The following PPP2R2C variants were observed in gnomAD, a reference collection of about 807,000 sequenced individuals.
The protein encoded by PPP2R2C is protein phosphatase 2, regulatory subunit B, gamma.
Under a neutral mutation model 45.3 loss-of-function variants are expected in PPP2R2C, and 10 were observed. The ratio of observed to expected loss-of-function variants is 0.22; its 90% CI spans 0.14 to 0.37. PPP2R2C has a LOEUF of 0.37. PPP2R2C is among the 10% of genes least tolerant of loss of function. PPP2R2C has a pLI of 1.00. For missense variants in PPP2R2C, 308 were observed against 619.7 expected, an observed-to-expected ratio of 0.50 and a Z score of 5.34; for synonymous variants, 257 against 245.4, an observed-to-expected ratio of 1.05 and a Z score of -0.44.
intron 6 of PPP2R2C, among the ~76,000 whole-genome samples, chr4:6,346,244 G>T (rs747155894): frequency 6.6e-6 from 1 of 152,098 alleles, no homozygotes; most frequent in East Asian, 1.9e-4. Context: ...TCCCAATCTC[G>T]TGACAACCCA....
In PPP2R2C at chr4:6,321,500, A is replaced by C. The variant is rs1731550083; in HGVS notation, c.*1802T>G. 1 of 152,530 alleles carries C rather than the reference A, an allele frequency of 6.6e-6. No individual in the cohort carries two copies. The highest frequency in any genetic ancestry group is 2.1e-4 in the South Asian group (1 of 4,832). The allele number at this position is 152,530 out of a possible 1,614,324, so 9.4% of individuals were successfully genotyped here. On this transcript the variant is annotated 3_prime_UTR_variant, in exon 9 of 9. Transcript: ENST00000382599. ...CTTCATTCACGTTGATTAAAAAAAAATCAATGATCCATTTCCCTGTGTAAA... is the reference window on the plus strand; with the variant it reads ...CTTCATTCACGTTGATTAAAAAAAACTCAATGATCCATTTCCCTGTGTAAA...
chr4:6,349,321 C>T (rs1712314576), intron 5 of PPP2R2C: 1 of 983,456 alleles, frequency 1.0e-6, no homozygotes, highest in Non-Finnish European at 1.2e-6. Flanking sequence ...GCTGTGTGAC[C>T]CTGAGTGAGT....
At chr4:6,507,364 G>C (rs1278648922) in intron 2 of PPP2R2C, among the ~76,000 whole-genome samples, 1 of 152,216 alleles carries the variant, frequency 6.6e-6, no homozygotes, top group Non-Finnish European at 1.5e-5. Context: ...ATGTACTGAT[G>C]CTGCAGCAAC....
At chr4:6,386,285 C>G (rs1365810529) in intron 1 of PPP2R2C, among the ~76,000 whole-genome samples, 1 of 152,198 alleles carries the variant, frequency 6.6e-6, no homozygotes, top group African/African-American at 2.4e-5. Context: ...TGCCAGAACT[C>G]AGACGGAAAG....
chr4:6,372,492 G>A, intron 5 of PPP2R2C, 31 bp downstream of exon 5: 3 of 1,539,166 alleles, frequency 1.9e-6, no homozygotes, highest in South Asian at 1.1e-5. Flanking sequence ...CTGCCCGTGG[G>A]AGGCACTGGC....
intron 1 of PPP2R2C, among the ~76,000 whole-genome samples, chr4:6,469,106 A>G (rs1721729302): frequency 9.6e-6 from 1 of 104,168 alleles, no homozygotes; most frequent in Non-Finnish European, 2.0e-5. Flanking sequence ...AAAAAAAAAA[A>G]TCCAACCTGC....
chr4:6,339,188 C>T (rs1397017258), intron 6 of PPP2R2C, among the ~76,000 whole-genome samples: 1 of 152,278 alleles, frequency 6.6e-6, no homozygotes, highest in Non-Finnish European at 1.5e-5. Flanking sequence ...TGCCCCCAAG[C>T]CGCTGGGTAC....
rs1396566671 is a variant in PPP2R2C, at chr4:6,443,125, T to G, written c.70+29035A>C. The stretch of plus-strand genomic sequence containing the variant: ...AGCTCTACAGTGGCCTCAGTTTTTT[T>G]AAACCTCTGGGAGAGATGAGGCCCC... On this transcript the variant is annotated intron_variant, in intron 1 of 8. Coordinates refer to ENST00000382599, the MANE Select transcript of PPP2R2C (RefSeq NM_020416.4). 6.7e-5 allele frequency among the ~76,000 whole-genome samples: 10 copies of G among 148,820 alleles called. No individual in the cohort carries two copies. The East Asian group carries it at 2.2e-3, about 33-fold the overall frequency.
In PPP2R2C at chr4:6,353,393, C is replaced by CCCCCCCACACCGACAG. The variant is rs1553886730; in HGVS notation, c.626-5399_626-5384dup. Among the ~76,000 whole-genome samples the CCCCCCCACACCGACAG allele has an allele frequency of 1.1e-3, 79 of 73,172 alleles. 4 individuals carry two copies. Among genetic ancestry groups the CCCCCCCACACCGACAG allele is most frequent in the African/African-American group, 2.2e-3 (40 of 17,846 alleles). 48.0% of individuals were successfully genotyped at this position (73,172 alleles called of 152,430 possible). A position where few individuals can be genotyped will look rare whatever the true frequency, so the allele number is the denominator to read the frequency against. On this transcript the variant is annotated intron_variant, in intron 5 of 8. Transcript: ENST00000382599. ...CAACCAACAGCCCCCACACTGACAG[C>CCCCCCCACACCGACAG]CCCCCCACACCGACAGCCCTCCACA... is the stretch of plus-strand genomic sequence containing the variant.
At chr4:6,399,213 G>C (rs183952033) in intron 1 of PPP2R2C, among the ~76,000 whole-genome samples, 3 of 152,298 alleles carry the variant, frequency 2.0e-5, no homozygotes, top group Admixed American at 6.5e-5. Flanking sequence ...CTAAGAATAT[G>C]GAAGTCTACA....
intron 1 of PPP2R2C, among the ~76,000 whole-genome samples, chr4:6,425,758 G>C (rs1205741275): frequency 6.6e-6 from 1 of 152,156 alleles, no homozygotes; most frequent in Non-Finnish European, 1.5e-5. Context: ...GACAAGGAGA[G>C]TCTGTTCAGG....
At chr4:6,531,700 T>C (rs1437999949) in intron 2 of PPP2R2C, among the ~76,000 whole-genome samples, 1 of 152,096 alleles carries the variant, frequency 6.6e-6, no homozygotes, top group African/African-American at 2.4e-5. Context: ...GTTATTATTA[T>C]CATTATTAGG....
chr4:6,363,360 C>T (rs988300873), intron 5 of PPP2R2C, among the ~76,000 whole-genome samples: 20 of 152,180 alleles, frequency 1.3e-4, no homozygotes, highest in Non-Finnish European at 2.6e-4. Flanking sequence ...AGGTGGATCA[C>T]GAGGTCAGGA....
chr4:6,425,279 G>A (rs186030625), intron 1 of PPP2R2C, among the ~76,000 whole-genome samples: 5 of 152,200 alleles, frequency 3.3e-5, no homozygotes, highest in African/African-American at 1.2e-4. Context: ...ACTCTGACAC[G>A]TCCAGTGTGA....
In PPP2R2C at chr4:6,472,286, G is replaced by T; in HGVS notation, c.-57C>A. 1 of 1,603,012 alleles carries T rather than the reference G, an allele frequency of 6.2e-7. No individual in the cohort carries two copies. The stretch of plus-strand genomic sequence containing the variant: ...CCGCCGCCACACACCGATGCAATCC[G>T]CAGAGGTCGCGCCGGGCGCGCGGGC... On this transcript the variant is annotated 5_prime_UTR_variant, in exon 1 of 9. Transcript: ENST00000382599.
chr4:6,543,037 G>A (rs1426565894), intron 1 of PPP2R2C, among the ~76,000 whole-genome samples: 3 of 150,716 alleles, frequency 2.0e-5, no homozygotes, highest in Non-Finnish European at 4.5e-5. Context: ...ACTCAGAGAG[G>A]GGCCACCCAG....
chr4:6,404,840 C>A (rs548045458), intron 1 of PPP2R2C, among the ~76,000 whole-genome samples: 3 of 152,324 alleles, frequency 2.0e-5, no homozygotes, highest in African/African-American at 7.2e-5. Flanking sequence ...GGCGAGGGGG[C>A]TGCATGCGTG....
In PPP2R2C at chr4:6,389,137, C is replaced by T. The variant is rs1434720898; in HGVS notation, c.71-8043G>A. Among the ~76,000 whole-genome samples, 5 of 152,220 alleles carry T rather than the reference C, an allele frequency of 3.3e-5. No homozygotes were observed. In the South Asian group the frequency reaches 8.3e-4, roughly 25 times the overall value. On this transcript the variant is annotated intron_variant, in intron 1 of 8. Transcript: ENST00000382599. ...TCTTGCCCTCTCTGAGCCCTGACTG[C>T]CTCATGGATACAATGGGAATTGACA...
chr4:6,558,054 C>T (rs1161990636), intron 1 of PPP2R2C, among the ~76,000 whole-genome samples: 2 of 152,136 alleles, frequency 1.3e-5, no homozygotes, highest in Non-Finnish European at 1.5e-5. Context: ...TAAAGGTGCC[C>T]GAGCCCAGCA....
Sources: allele counts gnomAD v4.1 joint callset (sites outside exome capture counted in the v4.1 genomes callset), GRCh38; gene constraint gnomAD v4.1.1; transcripts MANE v1.5; gene names NCBI Gene and HGNC (gene_info 2026-07-23, HGNC 2026-07-21).